The following RBM23 variants were observed in gnomAD, a reference collection of about 807,000 sequenced individuals.
RBM23 encodes the protein RNA binding motif protein 23.
Under a neutral mutation model 56.2 loss-of-function variants are expected in RBM23, and 53 were observed. The ratio of observed to expected loss-of-function variants is 0.94; its 90% CI spans 0.76 to 1.19. RBM23 has a LOEUF of 1.19. RBM23 is among the 50% of genes most tolerant of loss of function. The pLI is 0.00. For missense variants in RBM23, 642 were observed against 590.3 expected, an observed-to-expected ratio of 1.09 and a Z score of -0.91; for synonymous variants, 197 against 198.5, an observed-to-expected ratio of 0.99 and a Z score of 0.06.
At chr14:22,910,959 C>T (rs2042410275) in intron 2 of RBM23, among the ~76,000 whole-genome samples, 1 of 151,692 alleles carries the variant, frequency 6.6e-6, no homozygotes, top group Non-Finnish European at 1.5e-5. Flanking sequence ...TGCAGTGAGC[C>T]AAGATTGTGC....
Position 22,905,605 on chromosome 14 carries a change from C to T in RBM23, c.455+1G>A, listed in dbSNP as rs2041395548. 2 of 1,610,970 alleles carry T rather than the reference C, an allele frequency of 1.2e-6. No individual in the cohort carries two copies. Among genetic ancestry groups the T allele is most frequent in the Non-Finnish European group, 1.7e-6 (2 of 1,177,004 alleles). On this transcript the variant is annotated splice_donor_variant, in intron 6 of 13. Coordinates refer to ENST00000359890, the MANE Select transcript of RBM23 (RefSeq NM_001077351.2). LOFTEE classifies it high-confidence loss of function. ...TAAAACAGTGTTCATTATCAACCCACCTGACTGGGCTCTTCTCTCTGAAAT... is the reference window on the plus strand; with the variant it reads ...TAAAACAGTGTTCATTATCAACCCATCTGACTGGGCTCTTCTCTCTGAAAT...
chr14:22,908,452 G>GCCAAGAT, intron 3 of RBM23, 72 bp from the exon 4 acceptor site: 1 of 1,494,728 alleles, frequency 6.7e-7, no homozygotes, highest in Non-Finnish European at 8.9e-7. Flanking sequence ...TCGTGCAGTG[G>GCCAAGAT]TGCAATCTTG....
rs2042641334 is a variant in RBM23, at chr14:22,912,178, CG to C, written c.-10-776del. The stretch of plus-strand genomic sequence containing the variant: ...CTACAGATGTGAGAAAAATATAAAA[CG>C]AAAAAATAATAAACAAATATAGGCA... On this transcript the variant is annotated intron_variant, in intron 1 of 13. Transcript: ENST00000359890. 5.3e-5 allele frequency among the ~76,000 whole-genome samples: 8 copies of C among 151,868 alleles called. No homozygotes were observed. The South Asian group carries it at 1.7e-3, about 32-fold the overall frequency.
At position 22,904,876 on chromosome 14, in the gene RBM23, T is replaced by C. The variant is rs947929194; in HGVS notation, c.863A>G (p.Lys288Arg). 2 of 1,614,076 alleles carry C rather than the reference T, an allele frequency of 1.2e-6. No homozygotes were observed. Among genetic ancestry groups the C allele is most frequent in the African/African-American group, 2.7e-5 (2 of 74,922 alleles). The change falls in exon 9 of 14, where the codon AAA (lysine) becomes AGA (arginine). Residue 288 changes from lysine to arginine, a missense_variant and splice_region_variant. By Grantham distance (26) the Lys-to-Arg change is conservative (BLOSUM62 2). Coordinates refer to ENST00000359890, the MANE Select transcript of RBM23 (RefSeq NM_001077351.2). ...GAGGTTTCTCTCACTTCTACTCACT[T>C]TACCAAAGGGCTCAAAGATGCCCCG... Reference protein sequence around the residue: ...MLRGIFEPFGKIDNIVLMKDS... With the variant: ...MLRGIFEPFGRIDNIVLMKDS...
intron 1 of RBM23, among the ~76,000 whole-genome samples, chr14:22,916,453 T>TTC (rs1594446205): frequency 6.6e-6 from 1 of 151,056 alleles, no homozygotes; most frequent in East Asian, 1.9e-4. Context: ...TTTTTTTTTT[T>TTC]CTGGTAGAGA....
chr14:22,909,665 G>T, intron 2 of RBM23, 70 bp from the exon 3 acceptor site: 1 of 1,135,520 alleles, frequency 8.8e-7, no homozygotes, highest in South Asian at 1.2e-5. Context: ...TGGGCAAAGG[G>T]AACAAAGGTG....
intron 5 of RBM23, chr14:22,905,961 G>A (rs1298226299): frequency 4.6e-5 from 28 of 608,486 alleles, no homozygotes; most frequent in Non-Finnish European, 2.9e-5. Context: ...TGTTGTCCTG[G>A]CTGGTCTTGA....
intron 1 of RBM23, among the ~76,000 whole-genome samples, chr14:22,914,563 T>A (rs1012174161): frequency 1.3e-5 from 2 of 152,096 alleles, no homozygotes; most frequent in East Asian, 3.9e-4. Flanking sequence ...CGCATGAAAG[T>A]GTACACTTTA....
At position 22,893,368 on chromosome 14, in the gene RBM23, A is replaced by G. The variant is rs377247654; in HGVS notation, c.*8362T>C. On this transcript the variant is annotated 3_prime_UTR_variant, in exon 14 of 14. Transcript: ENST00000359890. ...TATGCCAATCAGTGTGCCGGGCCCAATGGGGAAAACAAATACAAATAAGAC... is the reference window on the plus strand; with the variant it reads ...TATGCCAATCAGTGTGCCGGGCCCAGTGGGGAAAACAAATACAAATAAGAC... The G allele has an allele frequency of 2.0e-5, 3 of 152,204 alleles. No individual in the cohort carries two copies. The highest frequency in any genetic ancestry group is 6.5e-5 in the Admixed American group (1 of 15,286). The allele number at this position is 152,204 out of a possible 1,614,324, so 9.4% of individuals were successfully genotyped here. A position where few individuals can be genotyped will look rare whatever the true frequency, so the allele number is the denominator to read the frequency against.
chr14:22,910,332 G>A (rs1220067233), intron 2 of RBM23, among the ~76,000 whole-genome samples: 1 of 149,076 alleles, frequency 6.7e-6, no homozygotes, highest in Non-Finnish European at 1.5e-5. Flanking sequence ...GGTGGCACAT[G>A]CCTGTAATCC....
rs532674948 is a variant in RBM23 at position 22,906,454 on chromosome 14, A to G, written c.228-86T>C. 2.2e-5 allele frequency: 33 copies of G among 1,483,248 alleles called. No homozygotes were observed. In the East Asian group the frequency reaches 2.5e-4, roughly 11 times the overall value. 91.9% of individuals were successfully genotyped at this position (1,483,248 alleles called of 1,614,324 possible). A position where few individuals can be genotyped will look rare whatever the true frequency, so the allele number is the denominator to read the frequency against. Reference sequence around the variant, plus strand: ...TATACAACAGTGGTCCCATAAGATTATAACGGTGCTGAGAAGTTCGTATAA... The same window carrying G: ...TATACAACAGTGGTCCCATAAGATTGTAACGGTGCTGAGAAGTTCGTATAA... On this transcript the variant is annotated intron_variant, in intron 4 of 13. Transcript: ENST00000359890.
chr14:22,904,261 C>T lies in RBM23; in HGVS notation c.930G>A (p.Thr310=). The change falls in exon 10 of 14, where the codon ACG becomes ACA. Residue 310 remains threonine, a splice_region_variant and synonymous_variant. Coordinates refer to ENST00000359890, the MANE Select transcript of RBM23 (RefSeq NM_001077351.2). Reference sequence around the variant, plus strand: ...AAAAATTAAAAGACTAGAGACTCACCGTGATGAAACCATAACCTTTAGAGC... The same window carrying T: ...AAAAATTAAAAGACTAGAGACTCACTGTGATGAAACCATAACCTTTAGAGC... ...TGRSKGYGFI[T]FSDSECARRA... 1.9e-6 allele frequency: 3 copies of T among 1,613,984 alleles called. No individual in the cohort carries two copies. The highest frequency in any genetic ancestry group is 2.2e-5 in the East Asian group (1 of 44,882).
At position 22,902,266 on chromosome 14, in the gene RBM23, G is replaced by C. The variant is rs750142914; in HGVS notation, c.1047C>G (p.Ile349Met). 6.2e-7 allele frequency: 1 copy of C among 1,614,180 alleles called. No individual in the cohort carries two copies. Among genetic ancestry groups the C allele is most frequent in the Non-Finnish European group, 8.5e-7 (1 of 1,180,042 alleles). The change falls in exon 11 of 14, where the codon ATC (isoleucine) becomes ATG (methionine). Residue 349 changes from isoleucine to methionine, a missense_variant. By Grantham distance (10) the Ile-to-Met change is conservative. Coordinates refer to ENST00000359890, the MANE Select transcript of RBM23 (RefSeq NM_001077351.2). ...GCTCCTGGTCCCCATCAGGAAAAGT[G>C]ATGTCTGTGCCACCATCCAGTCGCT... ...VTERLDGGTD[I>M]TFPDGDQELD...
Position 22,906,295 on chromosome 14 carries a change from GGT to G in RBM23, c.299_300del (p.His100ProfsTer2). The G allele has an allele frequency of 6.2e-7, 1 of 1,614,208 alleles. No homozygotes were observed. The highest frequency in any genetic ancestry group is 8.5e-7 in the Non-Finnish European group (1 of 1,180,050). On this transcript the variant is annotated frameshift_variant, in exon 5 of 14. Coordinates refer to ENST00000359890, the MANE Select transcript of RBM23 (RefSeq NM_001077351.2). LOFTEE classifies it high-confidence loss of function. ...TGTCGACGATCCCAGCTACGGCTAC[GGT>G]GACGACACTGCCGACCTGGACTTCG... ...RSRSPGRQCR[H>X]RSRSWDRRHG...
chr14:22,910,735 G>A (rs1280254264), intron 2 of RBM23, among the ~76,000 whole-genome samples: 3 of 152,034 alleles, frequency 2.0e-5, no homozygotes, highest in South Asian at 2.1e-4. Context: ...AAACTGGGAC[G>A]GGCGCAGTGG....
rs2011858762 is a variant in RBM23 at position 22,893,941 on chromosome 14, T to A, written c.*7789A>T. On this transcript the variant is annotated 3_prime_UTR_variant, in exon 14 of 14. Transcript: ENST00000359890. The stretch of plus-strand genomic sequence containing the variant: ...AAGCCCTTGAATGCTTTTCAATTAG[T>A]GCTCAGGATGTTTCCTGGATGGGGG... 1 of 152,202 alleles carries A rather than the reference T, an allele frequency of 6.6e-6. No homozygotes were observed. Among genetic ancestry groups the A allele is most frequent in the Non-Finnish European group, 1.5e-5 (1 of 68,040 alleles). The allele number at this position is 152,202 out of a possible 1,614,324, so 9.4% of individuals were successfully genotyped here.
rs751277382 is a variant in RBM23 at position 22,901,910 on chromosome 14, G to A, written c.1247-27C>T. On this transcript the variant is annotated intron_variant, in intron 12 of 13. Transcript: ENST00000359890. ...TAGAACAAAGACAGGCAGAGTGAGTGAGCAAGCACCGCGCACTCCTTCTTT... is the reference window on the plus strand; with the variant it reads ...TAGAACAAAGACAGGCAGAGTGAGTAAGCAAGCACCGCGCACTCCTTCTTT... 5 of 1,614,012 alleles carry A rather than the reference G, an allele frequency of 3.1e-6. No homozygotes were observed. The East Asian group carries it at 6.7e-5, about 22-fold the overall frequency.
rs761776556 is a variant in RBM23 at position 22,901,822 on chromosome 14, G to C, written c.1308C>G (p.Pro436=). ...TAGACCCTGAGACTCACATGGTCTG[G>C]GGGGTAAAGAGGCTGGAGAGCTGGA... ...QCFQLSSLFT[P]QTM The change falls in exon 13 of 14, where the codon CCC becomes CCG. Residue 436 remains proline, a synonymous_variant. Coordinates refer to ENST00000359890, the MANE Select transcript of RBM23 (RefSeq NM_001077351.2). 12 of 1,614,082 alleles carry C rather than the reference G, an allele frequency of 7.4e-6. No homozygotes were observed. Among genetic ancestry groups the C allele is most frequent in the East Asian group, 2.2e-5 (1 of 44,904 alleles).
intron 3 of RBM23, chr14:22,908,606 T>A: frequency 2.3e-6 from 1 of 425,852 alleles, no homozygotes; most frequent in South Asian, 2.7e-5. Flanking sequence ...GTTGGCCAGG[T>A]TCATCTTGAA....
Sources: allele counts gnomAD v4.1 joint callset (sites outside exome capture counted in the v4.1 genomes callset), GRCh38; gene constraint gnomAD v4.1.1; transcripts MANE v1.5; gene names NCBI Gene and HGNC (gene_info 2026-07-23, HGNC 2026-07-21).